Variants in STON1 observed in about 807,000 individuals in gnomAD.
STON1 encodes the protein stonin 1, also known as stonin-1.
A neutral mutation model predicts 60.9 loss-of-function variants in STON1; 79 were observed. The ratio of observed to expected loss-of-function variants is 1.30; its 90% CI spans 1.08 to 1.56. The LOEUF (loss-of-function observed/expected upper bound fraction) is 1.56. Ranked by LOEUF, STON1 falls within the 40% of genes most tolerant of loss-of-function variation. The pLI is 0.00. For missense variants in STON1, 1,166 were observed against 858.9 expected, an observed-to-expected ratio of 1.36 and a Z score of -4.47; for synonymous variants, 363 against 306.9, an observed-to-expected ratio of 1.18 and a Z score of -1.91.
chr2:48,549,601 C>T (rs1488456328), intron 1 of STON1, among the ~76,000 whole-genome samples: 2 of 152,012 alleles, frequency 1.3e-5, no homozygotes, highest in African/African-American at 2.4e-5. Context: ...CACCTGAGGT[C>T]AGGAGTTCAA....
chr2:48,538,045 C>T (rs1671502179), intron 1 of STON1, among the ~76,000 whole-genome samples: 1 of 151,652 alleles, frequency 6.6e-6, no homozygotes, highest in African/African-American at 2.4e-5. Context: ...CCTCCGACTC[C>T]CGGGTTCAAG....
In STON1 at chr2:48,581,615, T is replaced by G; in HGVS notation, c.982T>G (p.Cys328Gly). The G allele has an allele frequency of 6.2e-7, 1 of 1,614,220 alleles. No individual in the cohort carries two copies. Residue 328 changes from cysteine to glycine, a missense_variant, in exon 2 of 4, where the codon TGT becomes GGT. Transcript: ENST00000404752. ...PFKEIQLDPY[C>G]RLSEPKVENF... Reference sequence around the variant, plus strand: ...TAAAGAGATACAGCTTGATCCATATTGTAGGCTTTCTGAACCCAAGGTTGA... The same window carrying G: ...TAAAGAGATACAGCTTGATCCATATGGTAGGCTTTCTGAACCCAAGGTTGA...
chr2:48,549,784 G>C (rs552075349), intron 1 of STON1, among the ~76,000 whole-genome samples: 5 of 128,880 alleles, frequency 3.9e-5, no homozygotes, highest in African/African-American at 1.2e-4. Flanking sequence ...CTGCACTCCA[G>C]CCCGGACGAC....
chr2:48,537,519 G>A lies in STON1; in HGVS notation c.-48+7303G>A, dbSNP rs531018567. The stretch of plus-strand genomic sequence containing the variant: ...TATTTTACTTTGGATTTTTGCAAAT[G>A]TTCATAAGTGAAGTTGTTCTAGAAT... On this transcript the variant is annotated intron_variant, in intron 1 of 3. Coordinates refer to ENST00000404752, the MANE Select transcript of STON1 (RefSeq NM_006873.4). Among the ~76,000 whole-genome samples, 4 of 152,242 alleles carry A rather than the reference G, an allele frequency of 2.6e-5. No individual in the cohort carries two copies. In the East Asian group the frequency reaches 7.7e-4, roughly 29 times the overall value.
At chr2:48,530,373 G>C (rs1225628407) in intron 1 of STON1, 157 bp downstream of exon 1, 2 of 251,276 alleles carry the variant, frequency 8.0e-6, no homozygotes, top group East Asian at 3.3e-4. Flanking sequence ...CGCCCGCCCT[G>C]GCCGCCCCCA....
At chr2:48,571,903 G>A (rs6712724) in intron 1 of STON1, among the ~76,000 whole-genome samples, 49,375 of 152,034 alleles carry the variant, frequency 0.32, 8,142 homozygotes, top group East Asian at 0.42. Context: ...GGTGGCTCAC[G>A]CCTGTAATCC....
intron 2 of STON1, among the ~76,000 whole-genome samples, 164 bp downstream of exon 2, chr2:48,582,727 T>C (rs2103921200): frequency 6.6e-6 from 1 of 152,354 alleles, no homozygotes; most frequent in Middle Eastern, 3.4e-3. Context: ...GTTTATTTGT[T>C]TCCTTTTGCA....
intron 1 of STON1, among the ~76,000 whole-genome samples, chr2:48,534,821 C>A (rs1457578756): frequency 6.6e-6 from 1 of 152,150 alleles, no homozygotes; most frequent in Non-Finnish European, 1.5e-5. Flanking sequence ...AAAACAAAAA[C>A]ACACTGATAC....
At chr2:48,558,281 C>T (rs536614302) in intron 1 of STON1, among the ~76,000 whole-genome samples, 7 of 152,140 alleles carry the variant, frequency 4.6e-5, no homozygotes, top group East Asian at 1.9e-4. Context: ...CAAGTTGTTA[C>T]GTATTTATAC....
intron 1 of STON1, among the ~76,000 whole-genome samples, chr2:48,572,077 T>C (rs180975033): frequency 0.017 from 2,661 of 152,096 alleles, 71 homozygotes; most frequent in African/African-American, 0.062. Context: ...GCAGGAGAAT[T>C]GCTTGAACCT....
intron 1 of STON1, among the ~76,000 whole-genome samples, chr2:48,578,080 T>C (rs1468465568): frequency 6.6e-6 from 1 of 152,192 alleles, no homozygotes. Context: ...TCCCAGGCAA[T>C]TCCCCTGCCT....
intron 1 of STON1, among the ~76,000 whole-genome samples, chr2:48,539,058 C>T (rs1417988462): frequency 1.3e-5 from 2 of 152,102 alleles, no homozygotes; most frequent in Non-Finnish European, 2.9e-5. Context: ...GCTGAGACTA[C>T]AGGTGCGCAC....
At chr2:48,558,169 G>A (rs1257510648) in intron 1 of STON1, among the ~76,000 whole-genome samples, 1 of 152,240 alleles carries the variant, frequency 6.6e-6, no homozygotes, top group Non-Finnish European at 1.5e-5. Flanking sequence ...GCGGCAGTGA[G>A]CCAAGATCGC....
At chr2:48,563,052 AGG>A (rs1212650412) in intron 1 of STON1, among the ~76,000 whole-genome samples, 1 of 152,192 alleles carries the variant, frequency 6.6e-6, no homozygotes, top group African/African-American at 2.4e-5. Flanking sequence ...AGGCCTGTGA[AGG>A]GCAGGTAACC....
chr2:48,537,882 A>G (rs1377569851), intron 1 of STON1, among the ~76,000 whole-genome samples: 1 of 151,940 alleles, frequency 6.6e-6, no homozygotes, highest in Non-Finnish European at 1.5e-5. Context: ...AGGAAAAAAA[A>G]AGGAAATTGT....
chr2:48,565,988 A>T (rs2103851781), intron 1 of STON1, among the ~76,000 whole-genome samples: 1 of 152,314 alleles, frequency 6.6e-6, no homozygotes, highest in South Asian at 2.1e-4. Flanking sequence ...TTGTTCATGT[A>T]ATGACCATTT....
chr2:48,569,430 G>A (rs920314157), intron 1 of STON1, among the ~76,000 whole-genome samples: 1 of 152,040 alleles, frequency 6.6e-6, no homozygotes, highest in African/African-American at 2.4e-5. Flanking sequence ...TGTGGAAAAT[G>A]TCTTATCCAA....
chr2:48,544,374 T>C (rs563008514), intron 1 of STON1, among the ~76,000 whole-genome samples: 2 of 152,280 alleles, frequency 1.3e-5, no homozygotes, highest in African/African-American at 4.8e-5. Flanking sequence ...AAATTGAGCA[T>C]TGATGATCTA....
At chr2:48,595,107 T>C (rs1374545554) in intron 3 of STON1, 121 bp from the exon 4 acceptor site, 8 of 764,532 alleles carry the variant, frequency 1.0e-5, no homozygotes, top group Non-Finnish European at 1.6e-5. Flanking sequence ...TAGAGGGCTG[T>C]GTCTGTGTCC....
Sources: allele counts gnomAD v4.1 joint callset (sites outside exome capture counted in the v4.1 genomes callset), GRCh38; gene constraint gnomAD v4.1.1; transcripts MANE v1.5; gene names NCBI Gene and HGNC (gene_info 2026-07-23, HGNC 2026-07-21).